The following PCDHGA3 variants were observed in gnomAD, a reference collection of about 807,000 sequenced individuals.
PCDHGA3 encodes the protein protocadherin gamma-A3.
A neutral mutation model predicts 58.5 loss-of-function variants in PCDHGA3; 40 were observed. The ratio of observed to expected loss-of-function variants is 0.68; its 90% CI spans 0.53 to 0.89. PCDHGA3 has a LOEUF of 0.89. Ranked by LOEUF, PCDHGA3 falls within the 40% of genes least tolerant of loss-of-function variation. The probability of loss-of-function intolerance (pLI) is 0.00; values close to 1 mark genes in which losing one functional copy is unlikely to be tolerated. For missense variants in PCDHGA3, 1,223 were observed against 1,195.9 expected (o/e 1.02, Z -0.33); for synonymous variants, 530 against 525.7 (o/e 1.01, Z -0.11).
intron 1 of PCDHGA3, chr5:141,350,338 C>T: frequency 1.3e-6 from 2 of 1,541,542 alleles, no homozygotes; most frequent in Non-Finnish European, 1.7e-6. Flanking sequence ...TCTGCGGGGC[C>T]ATCTCCCAGC....
Position 141,432,208 on chromosome 5 carries a change from G to A in PCDHGA3, c.2425-62599G>A, listed in dbSNP as rs150518735. The A allele has an allele frequency of 3.4e-5, 55 of 1,614,196 alleles. No individual in the cohort carries two copies. In the Middle Eastern group the frequency reaches 8.2e-4, roughly 24 times the overall value. Reference sequence around the variant, plus strand: ...CCGCCCACGACCCCGACTGTGAAGAGAACGCCCAGATCACTTATTCCCTGG... The same window carrying A: ...CCGCCCACGACCCCGACTGTGAAGAAAACGCCCAGATCACTTATTCCCTGG... On this transcript the variant is annotated intron_variant, in intron 1 of 3. Transcript: ENST00000253812. The surrounding 1 kb of genome is among the most constrained non-coding windows in gnomAD (Gnocchi z 6.0).
At chr5:141,389,745 A>G in intron 1 of PCDHGA3, 1 of 1,612,748 alleles carries the variant, frequency 6.2e-7, no homozygotes, top group Non-Finnish European at 8.5e-7. Context: ...GGGGCTGCGC[A>G]CGGGCGAAGT....
chr5:141,374,433 A>T, intron 1 of PCDHGA3: 1 of 1,613,990 alleles, frequency 6.2e-7, no homozygotes. Flanking sequence ...CTGAATCTTT[A>T]TCCCGTGGAA....
chr5:141,345,063 G>T lies in PCDHGA3; in HGVS notation c.1030G>T (p.Ala344Ser). The change falls in exon 1 of 4, where the codon GCT becomes TCT. Residue 344 changes from alanine (A) to serine (S), a missense_variant. Physicochemically the swap from Ala to Ser is moderately conservative, Grantham distance 99. Transcript: ENST00000253812. ...CACGGTTCTGGATGTGAATGACAAT[G>T]CTCCAGAAATTACAATCACGTCTCT... is the stretch of plus-strand genomic sequence containing the variant. ...LVTVLDVNDN[A>S]PEITITSLTS... 6.2e-7 allele frequency: 1 copy of T among 1,613,936 alleles called. No individual in the cohort carries two copies. The highest frequency in any genetic ancestry group is 8.5e-7 in the Non-Finnish European group (1 of 1,179,878).
At chr5:141,475,600 T>A (rs1023916159) in intron 1 of PCDHGA3, among the ~76,000 whole-genome samples, 2 of 152,192 alleles carry the variant, frequency 1.3e-5, no homozygotes, top group Admixed American at 1.3e-4. Context: ...TTCCAGACAA[T>A]GTTGTGTAGT....
At chr5:141,423,384 C>T in intron 1 of PCDHGA3, 1 of 1,614,172 alleles carries the variant, frequency 6.2e-7, no homozygotes. Flanking sequence ...GGCTGTGGCG[C>T]TGGCATAAGT....
chr5:141,491,450 C>G lies in PCDHGA3; in HGVS notation c.2425-3357C>G. ...CAGTGCTGCAGGCGCCAGGACTCAC[C>G]CTCCCCGGACTTCTATAAGCAGTCC... On this transcript the variant is annotated intron_variant, in intron 1 of 3. Transcript: ENST00000253812. The surrounding 1 kb of genome is among the most constrained non-coding windows in gnomAD (Gnocchi z 6.9). The G allele has an allele frequency of 1.2e-6, 2 of 1,614,110 alleles. No homozygotes were observed. Among genetic ancestry groups the G allele is most frequent in the Non-Finnish European group, 1.7e-6 (2 of 1,180,044 alleles).
In PCDHGA3 at chr5:141,346,089, G is replaced by T. The variant is rs1308654939; in HGVS notation, c.2056G>T (p.Asp686Tyr). 1.9e-6 allele frequency: 3 copies of T among 1,613,746 alleles called. No homozygotes were observed. Among genetic ancestry groups the T allele is most frequent in the East Asian group, 2.2e-5 (1 of 44,870 alleles). Residue 686 changes from aspartate (D) to tyrosine (Y), a missense_variant, in exon 1 of 4, where the codon GAT becomes TAT. Around this residue, in one of 3 missense-constraint regions of PCDHGA3, gnomAD observed 107 missense variants for 159.8 expected, o/e 0.67. Coordinates refer to ENST00000253812, the MANE Select transcript of PCDHGA3 (RefSeq NM_018916.4). ...CCTCGAGCCCTCCGCCAAACCCAAC[G>T]ATTCGGACCTCACTCTGTACCTGGT... ...GSLEPSAKPN[D>Y]SDLTLYLVVA...
chr5:141,415,515 G>A (rs752258863), intron 1 of PCDHGA3: 5 of 1,614,152 alleles, frequency 3.1e-6, no homozygotes, highest in South Asian at 1.1e-5. Flanking sequence ...CCAATTATGC[G>A]GACACGCTCA....
intron 1 of PCDHGA3, among the ~76,000 whole-genome samples, chr5:141,467,820 G>T (rs1278112158): frequency 6.6e-6 from 1 of 151,884 alleles, no homozygotes; most frequent in African/African-American, 2.4e-5. Flanking sequence ...CACCACACCA[G>T]GCTGATTTTT....
intron 1 of PCDHGA3, chr5:141,405,210 A>G (rs752645800): frequency 1.2e-6 from 2 of 1,613,994 alleles, no homozygotes; most frequent in South Asian, 1.1e-5. Context: ...CTACAGACCT[A>G]TTCTCAGGAG....
chr5:141,405,222 T>A, intron 1 of PCDHGA3: 5 of 1,613,886 alleles, frequency 3.1e-6, no homozygotes, highest in Non-Finnish European at 4.2e-6. Context: ...TCTCAGGAGT[T>A]CTCCCTCACC....
Position 141,431,253 on chromosome 5 carries a change from A to G in PCDHGA3, c.2425-63554A>G, listed in dbSNP as rs1554123268. The G allele has an allele frequency of 1.2e-6, 2 of 1,614,132 alleles. No individual in the cohort carries two copies. Among genetic ancestry groups the G allele is most frequent in the South Asian group, 1.1e-5 (1 of 91,088 alleles). ...GCCTGGGATCCGGATATCGGGAAGA[A>G]CTCTCTGCAGAGCTACGAGCTCAGC... is the stretch of plus-strand genomic sequence containing the variant. On this transcript the variant is annotated intron_variant, in intron 1 of 3. Transcript: ENST00000253812. The surrounding 1 kb of genome is among the most constrained non-coding windows in gnomAD (Gnocchi z 4.8).
At position 141,364,301 on chromosome 5, in the gene PCDHGA3, A is replaced by G. The variant is rs377380787; in HGVS notation, c.2424+17844A>G. ...TAAGGAAACAGCAGGCTGAACCAGAACTAAGAGAAAATTGGGCAGAGAGAA... is the reference window on the plus strand; with the variant it reads ...TAAGGAAACAGCAGGCTGAACCAGAGCTAAGAGAAAATTGGGCAGAGAGAA... On this transcript the variant is annotated intron_variant, in intron 1 of 3. Coordinates refer to ENST00000253812, the MANE Select transcript of PCDHGA3 (RefSeq NM_018916.4). 5 of 1,521,982 alleles carry G rather than the reference A, an allele frequency of 3.3e-6. No homozygotes were observed. In the African/African-American group the frequency reaches 5.6e-5, roughly 17 times the overall value. The allele number at this position is 1,521,982 out of a possible 1,614,324, so 94.3% of individuals were successfully genotyped here. A position where few individuals can be genotyped will look rare whatever the true frequency, so the allele number is the denominator to read the frequency against.
intron 1 of PCDHGA3, chr5:141,352,711 C>T (rs1332083598): frequency 5.8e-6 from 9 of 1,542,040 alleles, no homozygotes; most frequent in African/African-American, 4.1e-5. Context: ...ATATGGCGGC[C>T]GGGCGCGGTG....
At chr5:141,361,105 C>G in intron 1 of PCDHGA3, 1 of 1,613,960 alleles carries the variant, frequency 6.2e-7, no homozygotes, top group South Asian at 1.1e-5. Flanking sequence ...AGCAAAAGAT[C>G]CTGGAGATCT....
intron 1 of PCDHGA3, chr5:141,413,040 C>G: frequency 1.2e-6 from 1 of 840,546 alleles, no homozygotes; most frequent in Non-Finnish European, 1.8e-6. Flanking sequence ...GGCTGCTGGG[C>G]TGCAGGGAAG....
chr5:141,485,358 G>A lies in PCDHGA3; in HGVS notation c.2425-9449G>A, dbSNP rs372994272. The A allele has an allele frequency of 1.2e-6, 2 of 1,614,100 alleles. No homozygotes were observed. Among genetic ancestry groups the A allele is most frequent in the Admixed American group, 3.3e-5 (2 of 60,002 alleles). ...CTGGATACGGACAGTCTGTCAGCTC[G>A]CAGGCTGCAGGTCGCTGGAGAGGTG... is the stretch of plus-strand genomic sequence containing the variant. On this transcript the variant is annotated intron_variant, in intron 1 of 3. Transcript: ENST00000253812. This position sits in a 1 kb window ranked among gnomAD's most constrained non-coding sequence, Gnocchi z 5.7.
In PCDHGA3 at chr5:141,432,272, G is replaced by A. The variant is rs772255343; in HGVS notation, c.2425-62535G>A. On this transcript the variant is annotated intron_variant, in intron 1 of 3. Transcript: ENST00000253812. The surrounding 1 kb of genome is among the most constrained non-coding windows in gnomAD (Gnocchi z 6.0). ...CCAAGGGGCAAGCCTATCGTCCTAC[G>A]TGTCCATCAACTCCGACACTGGGGT... 1 of 1,614,210 alleles carries A rather than the reference G, an allele frequency of 6.2e-7. No individual in the cohort carries two copies. Among genetic ancestry groups the A allele is most frequent in the South Asian group, 1.1e-5 (1 of 91,086 alleles).
Sources: allele counts gnomAD v4.1 joint callset (sites outside exome capture counted in the v4.1 genomes callset), GRCh38; gene constraint gnomAD v4.1.1; regional missense constraint gnomAD v4.1.1; non-coding constraint Gnocchi (gnomAD v3.1); transcripts MANE v1.5; gene names NCBI Gene and HGNC (gene_info 2026-07-23, HGNC 2026-07-21).